Variants in FAM178B observed in about 807,000 individuals in gnomAD.
The protein encoded by FAM178B is protein FAM178B.
In FAM178B, 82 loss-of-function variants were observed where a neutral mutation model predicts 91.7. That is an observed-to-expected ratio of 0.89 (90% CI 0.75 to 1.07). The LOEUF is 1.07. Ranked by LOEUF, FAM178B falls within the 50% of genes least tolerant of loss-of-function variation. FAM178B has a pLI of 0.00. For synonymous variants in FAM178B, 368 were observed against 359.4 expected, an observed-to-expected ratio of 1.02 and a Z score of -0.27; for missense variants, 769 against 846.7, an observed-to-expected ratio of 0.91 and a Z score of 1.14.
chr2:96,944,438 T>C (rs1164859013), intron 8 of FAM178B, among the ~76,000 whole-genome samples: 2 of 152,130 alleles, frequency 1.3e-5, no homozygotes, highest in Non-Finnish European at 2.9e-5. Context: ...AAAACTGTTC[T>C]GATAAAAAGA....
At chr2:96,946,668 G>A (rs1261143806) in intron 8 of FAM178B, among the ~76,000 whole-genome samples, 2 of 152,274 alleles carry the variant, frequency 1.3e-5, no homozygotes. Flanking sequence ...GGAGAGTGGG[G>A]CATCCCCTCT....
chr2:96,925,870 C>T (rs544739782), intron 9 of FAM178B, among the ~76,000 whole-genome samples: 2 of 152,228 alleles, frequency 1.3e-5, no homozygotes, highest in African/African-American at 4.8e-5. Context: ...ATGGCAGGTA[C>T]AGTGTATGAG....
At chr2:96,940,351 C>A (rs1559085832) in intron 8 of FAM178B, among the ~76,000 whole-genome samples, 1 of 152,244 alleles carries the variant, frequency 6.6e-6, no homozygotes, top group Non-Finnish European at 1.5e-5. Context: ...GGGGCCTCCA[C>A]TCCAGGGGCT....
intron 8 of FAM178B, among the ~76,000 whole-genome samples, chr2:96,939,999 G>C (rs1195874428): frequency 6.6e-6 from 1 of 152,138 alleles, no homozygotes; most frequent in Admixed American, 6.5e-5. Flanking sequence ...TCTAATTGGA[G>C]ACTTTGAAAG....
intron 8 of FAM178B, among the ~76,000 whole-genome samples, chr2:96,932,922 AGAGT>A (rs1186352121): frequency 1.6e-5 from 2 of 121,556 alleles, no homozygotes; most frequent in African/African-American, 6.9e-5. Context: ...CCTGTACAAC[AGAGT>A]GAGACTCCGT....
intron 12 of FAM178B, among the ~76,000 whole-genome samples, chr2:96,914,196 C>T (rs552428331): frequency 9.2e-5 from 14 of 152,228 alleles, no homozygotes; most frequent in South Asian, 4.2e-4. Flanking sequence ...CCTGGTAGTC[C>T]GTGGAGAAAA....
chr2:96,911,747 A>G (rs1386708985), intron 12 of FAM178B, among the ~76,000 whole-genome samples: 2 of 152,120 alleles, frequency 1.3e-5, no homozygotes, highest in East Asian at 1.9e-4. Context: ...AGGAATGAGC[A>G]CTGTGGGAGA....
intron 8 of FAM178B, among the ~76,000 whole-genome samples, chr2:96,939,983 T>C (rs2081699302): frequency 6.6e-6 from 1 of 152,216 alleles, no homozygotes; most frequent in Admixed American, 6.5e-5. Flanking sequence ...ATTACTGTTA[T>C]CAAATTCTAA....
At chr2:96,927,182 C>T (rs2081455754) in intron 9 of FAM178B, among the ~76,000 whole-genome samples, 1 of 152,182 alleles carries the variant, frequency 6.6e-6, no homozygotes, top group South Asian at 2.1e-4. Flanking sequence ...GGGTCACCCT[C>T]CAATCCATGA....
chr2:96,889,266 T>C (rs1472023962), intron 14 of FAM178B, among the ~76,000 whole-genome samples: 1 of 152,154 alleles, frequency 6.6e-6, no homozygotes, highest in East Asian at 1.9e-4. Flanking sequence ...AATTAACAAC[T>C]TCACAGTCCC....
chr2:96,931,304 G>A (rs373697960), intron 8 of FAM178B, among the ~76,000 whole-genome samples: 5 of 152,210 alleles, frequency 3.3e-5, no homozygotes, highest in African/African-American at 1.2e-4. Flanking sequence ...AAAAAGGCAA[G>A]CTAGAGGAGA....
At chr2:96,979,768 T>C (rs897907162) in intron 1 of FAM178B, among the ~76,000 whole-genome samples, 29 of 152,224 alleles carry the variant, frequency 1.9e-4, no homozygotes, top group African/African-American at 6.5e-4. Flanking sequence ...AAGTGTTCCC[T>C]TTTCTCTGCA....
At chr2:96,929,427 T>C (rs910936488) in intron 8 of FAM178B, 107 bp from the exon 9 acceptor site, 1 of 782,310 alleles carries the variant, frequency 1.3e-6, no homozygotes, top group Non-Finnish European at 2.1e-6. Context: ...ATAACCAGTT[T>C]TTGCCTTCTC....
intron 13 of FAM178B, among the ~76,000 whole-genome samples, chr2:96,897,236 A>C (rs2080842048): frequency 6.6e-6 from 1 of 152,248 alleles, no homozygotes; most frequent in Non-Finnish European, 1.5e-5. Flanking sequence ...CTCTGAGGGC[A>C]GTTTTTTCAC....
chr2:96,908,083 G>T (rs183086609), intron 12 of FAM178B, among the ~76,000 whole-genome samples: 2 of 152,340 alleles, frequency 1.3e-5, no homozygotes, highest in African/African-American at 4.8e-5. Context: ...ACTCTTCATT[G>T]CGCACTTGCC....
intron 14 of FAM178B, among the ~76,000 whole-genome samples, chr2:96,882,489 G>A (rs1248453085): frequency 2.6e-5 from 4 of 152,198 alleles, no homozygotes; most frequent in South Asian, 4.1e-4. Context: ...TGAGAGCTGC[G>A]CTTCCTGCTT....
At chr2:96,944,016 G>T (rs1042562343) in intron 8 of FAM178B, among the ~76,000 whole-genome samples, 1 of 152,122 alleles carries the variant, frequency 6.6e-6, no homozygotes, top group African/African-American at 2.4e-5. Flanking sequence ...GCTGAAGTGG[G>T]TGGATCACCT....
At chr2:96,941,884 A>T (rs1042830698) in intron 8 of FAM178B, among the ~76,000 whole-genome samples, 4 of 152,242 alleles carry the variant, frequency 2.6e-5, no homozygotes, top group Non-Finnish European at 5.9e-5. Flanking sequence ...ACAGTCATAT[A>T]CCAGCTCAGC....
At chr2:96,932,064 AG>A (rs1400350719) in intron 8 of FAM178B, among the ~76,000 whole-genome samples, 3 of 152,132 alleles carry the variant, frequency 2.0e-5, no homozygotes, top group African/African-American at 7.2e-5. Flanking sequence ...CTTTCCAGGG[AG>A]GGGAAGACAA....
Sources: allele counts gnomAD v4.1 joint callset (sites outside exome capture counted in the v4.1 genomes callset), GRCh38; gene constraint gnomAD v4.1.1; transcripts MANE v1.5; gene names NCBI Gene and HGNC (gene_info 2026-07-23, HGNC 2026-07-21).